Variants in SUFU observed in about 807,000 individuals in gnomAD.
The protein encoded by SUFU is suppressor of fused homolog.
In SUFU, 7 loss-of-function variants were observed where a neutral mutation model predicts 58.9. The observed-to-expected ratio is 0.12, with a 90% confidence interval of 0.07 to 0.22. The LOEUF is 0.22. Ranked by LOEUF, SUFU falls within the 10% of genes least tolerant of loss-of-function variation. The pLI is 1.00. For missense variants in SUFU, 451 were observed against 641.3 expected (o/e 0.70, Z 3.20); for synonymous variants, 232 against 254.8 (o/e 0.91, Z 0.85).
At chr10:102,590,082 C>T (rs937412199) in intron 3 of SUFU, among the ~76,000 whole-genome samples, 8 of 149,364 alleles carry the variant, frequency 5.4e-5, no homozygotes, top group Non-Finnish European at 1.0e-4. Flanking sequence ...ACTAACCTTG[C>T]ATTTCTGGGA....
chr10:102,593,557 CAGAG>C, intron 4 of SUFU, 75 bp from the exon 5 acceptor site: 1 of 1,445,226 alleles, frequency 6.9e-7, no homozygotes, highest in Non-Finnish European at 9.7e-7. Context: ...GGAGGTGACT[CAGAG>C]AGCCTGGGTA....
chr10:102,508,785 A>G (rs913204490), intron 1 of SUFU, among the ~76,000 whole-genome samples: 20 of 152,320 alleles, frequency 1.3e-4, no homozygotes, highest in South Asian at 4.1e-4. Context: ...ACAGAGGCCA[A>G]TTGATTGACT....
In SUFU at chr10:102,534,364, T is replaced by C. The variant is rs1238541758; in HGVS notation, c.318-15606T>C. On this transcript the variant is annotated intron_variant, in intron 2 of 11. Transcript: ENST00000369902. ...ATGGCGTGAACCCGGGAAGCGGAGC[T>C]TGTGGTGAGCCAAGATCGTGCCACT... Among the ~76,000 whole-genome samples, 4 of 152,210 alleles carry C rather than the reference T, an allele frequency of 2.6e-5. No homozygotes were observed. The South Asian group carries it at 8.3e-4, about 32-fold the overall frequency.
rs1353643299 is a variant in SUFU, at chr10:102,617,276, G to A, written c.1158-14G>A. Reference sequence around the variant, plus strand: ...AAGCCCAGCTCCTCACTGTCTCCATGTTCCCATCTCCAGGGGCAGGCTCCT... The same window carrying A: ...AAGCCCAGCTCCTCACTGTCTCCATATTCCCATCTCCAGGGGCAGGCTCCT... On this transcript the variant is annotated splice_polypyrimidine_tract_variant and intron_variant, in intron 9 of 11. Coordinates refer to ENST00000369902, the MANE Select transcript of SUFU (RefSeq NM_016169.4). The surrounding 1 kb of genome is among the most constrained non-coding windows in gnomAD (Gnocchi z 4.4). 1.2e-6 allele frequency: 2 copies of A among 1,614,178 alleles called. No individual in the cohort carries two copies. The highest frequency in any genetic ancestry group is 1.7e-5 in the Admixed American group (1 of 60,032).
intron 3 of SUFU, among the ~76,000 whole-genome samples, chr10:102,563,405 A>G (rs1261990287): frequency 6.6e-6 from 1 of 152,190 alleles, no homozygotes; most frequent in Non-Finnish European, 1.5e-5. Flanking sequence ...GCGAGGGCTC[A>G]GGAAAAGCTG....
intron 2 of SUFU, among the ~76,000 whole-genome samples, chr10:102,519,803 G>A (rs953842959): frequency 2.6e-5 from 4 of 151,708 alleles, no homozygotes; most frequent in South Asian, 2.1e-4. Flanking sequence ...ATGGAGTCTC[G>A]CTCTGTCGCT....
At chr10:102,538,048 T>C (rs2062761737) in intron 2 of SUFU, among the ~76,000 whole-genome samples, 3 of 152,188 alleles carry the variant, frequency 2.0e-5, no homozygotes, top group Non-Finnish European at 4.4e-5. Context: ...TTCATGACCA[T>C]TGTGAAAGGA....
chr10:102,537,773 A>G (rs1049058460), intron 2 of SUFU, among the ~76,000 whole-genome samples: 2 of 152,198 alleles, frequency 1.3e-5, no homozygotes, highest in Admixed American at 1.3e-4. Flanking sequence ...TTATATGTGT[A>G]TACCAATTTG....
At chr10:102,544,883 T>C (rs2062837657) in intron 2 of SUFU, among the ~76,000 whole-genome samples, 1 of 152,248 alleles carries the variant, frequency 6.6e-6, no homozygotes, top group Admixed American at 6.5e-5. Context: ...TAGTCTTTTG[T>C]ATCTGGCTTC....
Position 102,632,740 on chromosome 10 carries a change from T to C in SUFU, c.*2585T>C, listed in dbSNP as rs11191355. On this transcript the variant is annotated 3_prime_UTR_variant, in exon 12 of 12. Coordinates refer to ENST00000369902, the MANE Select transcript of SUFU (RefSeq NM_016169.4). ...CAAGCTACTTGGAGACTTGCCTAGTTGTACCCACCCCTCCAGGTCCCTGGT... is the reference window on the plus strand; with the variant it reads ...CAAGCTACTTGGAGACTTGCCTAGTCGTACCCACCCCTCCAGGTCCCTGGT... 0.22 allele frequency: 50,583 copies of C among 233,228 alleles called. 6,833 individuals are homozygous for C. The highest frequency in any genetic ancestry group is 0.55 in the East Asian group (9,152 of 16,554). The allele number at this position is 233,228 out of a possible 1,614,324, so 14.4% of individuals were successfully genotyped here. A position where few individuals can be genotyped will look rare whatever the true frequency, so the allele number is the denominator to read the frequency against.
At chr10:102,615,515 C>A in intron 9 of SUFU, 113 bp downstream of exon 9, 1 of 1,513,098 alleles carries the variant, frequency 6.6e-7, no homozygotes, top group Non-Finnish European at 9.1e-7. Context: ...TCCAGGGCCT[C>A]CAAGGAGCCA....
intron 9 of SUFU, among the ~76,000 whole-genome samples, chr10:102,616,013 C>G (rs553707218): frequency 1.4e-5 from 2 of 143,270 alleles, no homozygotes; most frequent in South Asian, 5.0e-4. Context: ...GCAGGGATGG[C>G]AGGGTCCCCA....
At chr10:102,587,502 T>G (rs1172316101) in intron 3 of SUFU, among the ~76,000 whole-genome samples, 2 of 152,218 alleles carry the variant, frequency 1.3e-5, no homozygotes, top group African/African-American at 4.8e-5. Context: ...ACAGTTTGTT[T>G]TGTTTTGAGA....
chr10:102,630,514 C>T lies in SUFU; in HGVS notation c.*359C>T, dbSNP rs1312350897. On this transcript the variant is annotated 3_prime_UTR_variant, in exon 12 of 12. Coordinates refer to ENST00000369902, the MANE Select transcript of SUFU (RefSeq NM_016169.4). ...CCTCTTTCTCACCTACCCCCTGCCG[C>T]ACAGCCCAGCAGGAGGGAGGCGGAC... 2 of 441,298 alleles carry T rather than the reference C, an allele frequency of 4.5e-6. No individual in the cohort carries two copies. Among genetic ancestry groups the T allele is most frequent in the Non-Finnish European group, 8.5e-6 (2 of 234,938 alleles). 27.3% of individuals were successfully genotyped at this position (441,298 alleles called of 1,614,324 possible). A position where few individuals can be genotyped will look rare whatever the true frequency, so the allele number is the denominator to read the frequency against.
At chr10:102,528,606 C>T (rs998291185) in intron 2 of SUFU, among the ~76,000 whole-genome samples, 3 of 152,160 alleles carry the variant, frequency 2.0e-5, no homozygotes, top group East Asian at 1.9e-4. Context: ...TGTCTTATTC[C>T]AGGAAACCCT....
intron 2 of SUFU, among the ~76,000 whole-genome samples, chr10:102,545,293 ATTTTTTTTTTT>A (rs1162195255): frequency 9.4e-6 from 1 of 106,298 alleles, no homozygotes; most frequent in African/African-American, 3.6e-5. Flanking sequence ...TAATTTTTGT[ATTTTTTTTTTT>A]TTTTTTTTTT....
chr10:102,579,342 A>G (rs778332365), intron 3 of SUFU, among the ~76,000 whole-genome samples: 6 of 152,220 alleles, frequency 3.9e-5, no homozygotes, highest in Non-Finnish European at 7.3e-5. Flanking sequence ...GCATCAGTCC[A>G]GTTCTGAAAG....
chr10:102,537,495 T>C (rs1564670885), intron 2 of SUFU, among the ~76,000 whole-genome samples: 1 of 152,214 alleles, frequency 6.6e-6, no homozygotes, highest in Non-Finnish European at 1.5e-5. Flanking sequence ...ATTTACCTTG[T>C]TGTGCAACCA....
At chr10:102,594,092 C>T (rs1438747929) in intron 6 of SUFU, 27 bp downstream of exon 6, 1 of 1,611,330 alleles carries the variant, frequency 6.2e-7, no homozygotes, top group African/African-American at 1.3e-5. Flanking sequence ...GAAAACCTTT[C>T]TAGCACCCTG....
Sources: gnomAD v4.1 joint callset for allele counts (sites outside exome capture counted in the v4.1 genomes callset) on GRCh38, gnomAD v4.1.1 for gene constraint, Gnocchi (gnomAD v3.1) non-coding constraint, MANE v1.5 for transcripts, NCBI Gene and HGNC (gene_info 2026-07-23, HGNC 2026-07-21) for gene names.